CCDC60: variants seen among roughly 807,000 people sequenced by gnomAD.
The protein encoded by CCDC60 is coiled-coil domain containing 60.
Under a neutral mutation model 63.5 loss-of-function variants are expected in CCDC60, and 54 were observed. The observed-to-expected ratio is 0.85, with a 90% CI of 0.68 to 1.07. The LOEUF is 1.07. Ranked by LOEUF, CCDC60 falls within the 50% of genes least tolerant of loss-of-function variation. The pLI is 0.00. For synonymous variants in CCDC60, 206 were observed against 238.8 expected (o/e 0.86, Z 1.27); for missense variants, 651 against 684.3 (o/e 0.95, Z 0.54).
intron 1 of CCDC60, among the ~76,000 whole-genome samples, chr12:119,414,607 A>G (rs1956666988): frequency 6.6e-6 from 1 of 151,984 alleles, no homozygotes; most frequent in African/African-American, 2.4e-5. Context: ...CTGGAGTGCA[A>G]TGGTGCAATC....
chr12:119,439,871 C>G (rs187752283), intron 2 of CCDC60, among the ~76,000 whole-genome samples: 14 of 152,308 alleles, frequency 9.2e-5, no homozygotes, highest in Non-Finnish European at 1.8e-4. Flanking sequence ...ATATAGCCGA[C>G]TAGACACCTT....
At chr12:119,502,688 A>G (rs1218744430) in intron 6 of CCDC60, among the ~76,000 whole-genome samples, 1 of 152,146 alleles carries the variant, frequency 6.6e-6, no homozygotes, top group East Asian at 1.9e-4. Flanking sequence ...CTCAAGGAAG[A>G]CACCCCTGGA....
intron 2 of CCDC60, among the ~76,000 whole-genome samples, chr12:119,451,454 A>T (rs1269466149): frequency 7.1e-6 from 1 of 141,044 alleles, no homozygotes; most frequent in African/African-American, 2.6e-5. Flanking sequence ...TTGTCATGTG[A>T]TATGTCGCCT....
intron 2 of CCDC60, among the ~76,000 whole-genome samples, chr12:119,431,574 T>C (rs965822272): frequency 3.9e-5 from 6 of 152,230 alleles, no homozygotes; most frequent in Non-Finnish European, 7.3e-5. Context: ...GCTAGTTTTT[T>C]AGTCCTACAA....
intron 1 of CCDC60, among the ~76,000 whole-genome samples, chr12:119,409,084 A>T (rs1026989918): frequency 3.9e-5 from 6 of 152,334 alleles, no homozygotes; most frequent in Admixed American, 1.3e-4. Context: ...GGAGGAGATT[A>T]TACAAGAGTG....
At position 119,505,266 on chromosome 12, in the gene CCDC60, ATCT is replaced by A. The variant is rs1366918859; in HGVS notation, c.849_851del (p.Ser284del). The A allele has an allele frequency of 3.7e-6, 6 of 1,612,358 alleles. No homozygotes were observed. Among genetic ancestry groups the A allele is most frequent in the Non-Finnish European group, 5.1e-6 (6 of 1,180,000 alleles). ...GCAAGGACATTGAGGACAATGAGTC[ATCT>A]TCAACCAAGCCAGATGAAGAACCTC... On this transcript the variant is annotated inframe_deletion, in exon 7 of 14. Transcript: ENST00000327554.
intron 1 of CCDC60, among the ~76,000 whole-genome samples, chr12:119,419,114 C>T (rs1209845141): frequency 2.6e-5 from 4 of 152,234 alleles, no homozygotes; most frequent in Non-Finnish European, 4.4e-5. Flanking sequence ...CTCCCTGTTG[C>T]ATTGGCTGGA....
At chr12:119,405,609 C>G (rs1198311661) in intron 1 of CCDC60, among the ~76,000 whole-genome samples, 1 of 152,238 alleles carries the variant, frequency 6.6e-6, no homozygotes, top group Non-Finnish European at 1.5e-5. Context: ...GCAGGAGTCC[C>G]TCTTCCCTGC....
intron 4 of CCDC60, among the ~76,000 whole-genome samples, chr12:119,485,033 G>A (rs532530616): frequency 1.2e-4 from 18 of 152,352 alleles, no homozygotes; most frequent in African/African-American, 4.1e-4. Context: ...GAAGGCTTCC[G>A]GATGGAGATG....
intron 3 of CCDC60, among the ~76,000 whole-genome samples, chr12:119,472,803 G>A (rs1053181920): frequency 4.0e-5 from 6 of 151,798 alleles, no homozygotes; most frequent in South Asian, 2.1e-4. Context: ...GGCTGGTCTC[G>A]AACTGCTGAC....
At chr12:119,469,409 C>T (rs1951013404) in intron 2 of CCDC60, among the ~76,000 whole-genome samples, 2 of 152,112 alleles carry the variant, frequency 1.3e-5, no homozygotes, top group South Asian at 2.1e-4. Context: ...TAGAGGCACC[C>T]GCCACCACCC....
chr12:119,509,343 A>C (rs1026912298), intron 7 of CCDC60, among the ~76,000 whole-genome samples: 1 of 152,076 alleles, frequency 6.6e-6, no homozygotes, highest in Non-Finnish European at 1.5e-5. Flanking sequence ...GGCAGCTCAC[A>C]CTCGTAATCC....
At chr12:119,529,944 TCAAA>T (rs1952791046) in intron 12 of CCDC60, among the ~76,000 whole-genome samples, 1 of 152,140 alleles carries the variant, frequency 6.6e-6, no homozygotes, top group Non-Finnish European at 1.5e-5. Context: ...TAAAATCAAG[TCAAA>T]CAAACCACAG....
chr12:119,479,219 C>T lies in CCDC60; in HGVS notation c.449+18C>T. The T allele has an allele frequency of 2.6e-6, 4 of 1,562,104 alleles. No homozygotes were observed. The highest frequency in any genetic ancestry group is 3.5e-6 in the Non-Finnish European group (4 of 1,133,194). On this transcript the variant is annotated intron_variant, in intron 4 of 13. Transcript: ENST00000327554. ...GCTCACGTGTAAGTAGTCTCACCTC[C>T]AGCTCATTTGCTTTGCTAGCTTATA...
At chr12:119,523,043 T>C (rs747139877) in intron 10 of CCDC60, 42 bp downstream of exon 10, 1 of 1,540,134 alleles carries the variant, frequency 6.5e-7, no homozygotes, top group Non-Finnish European at 9.0e-7. Flanking sequence ...CAAGAGGGAA[T>C]ATGGTGACCA....
intron 7 of CCDC60, among the ~76,000 whole-genome samples, chr12:119,507,463 CATACATATATATACATAT>C (rs1230153288): frequency 1.4e-5 from 2 of 145,010 alleles, no homozygotes; most frequent in Non-Finnish European, 3.0e-5. Context: ...CATATATACA[CATACATATATATACATAT>C]ATACACATAT....
intron 3 of CCDC60, 105 bp downstream of exon 3, chr12:119,472,269 C>A: frequency 9.5e-7 from 1 of 1,051,680 alleles, no homozygotes; most frequent in Non-Finnish European, 1.4e-6. Context: ...AGAGCACGTG[C>A]CCCTTCTCAG....
intron 1 of CCDC60, among the ~76,000 whole-genome samples, chr12:119,378,897 G>A (rs1955981291): frequency 6.6e-6 from 1 of 152,218 alleles, no homozygotes; most frequent in Non-Finnish European, 1.5e-5. Flanking sequence ...TCTTCCCTCT[G>A]TACATGGTGG....
chr12:119,523,045 T>A (rs1952573436), intron 10 of CCDC60, 44 bp downstream of exon 10: 2 of 1,520,882 alleles, frequency 1.3e-6, no homozygotes, highest in African/African-American at 1.4e-5. Flanking sequence ...AGAGGGAATA[T>A]GGTGACCACA....
Sources: allele counts gnomAD v4.1 joint callset (sites outside exome capture counted in the v4.1 genomes callset), GRCh38; gene constraint gnomAD v4.1.1; transcripts MANE v1.5; gene names NCBI Gene and HGNC (gene_info 2026-07-23, HGNC 2026-07-21).